Variants in SLK observed in about 807,000 individuals in gnomAD.
SLK encodes the protein STE20 like kinase.
Under a neutral mutation model 147.7 loss-of-function variants are expected in SLK, and 67 were observed. That is an observed-to-expected ratio of 0.45 (90% CI 0.37 to 0.56). The LOEUF is 0.56. Ranked by LOEUF, SLK falls within the 20% of genes least tolerant of loss-of-function variation. The probability of loss-of-function intolerance (pLI) is 0.00; values close to 1 mark genes in which losing one functional copy is unlikely to be tolerated. For missense variants in SLK, 1,136 were observed against 1,438.8 expected (o/e 0.79, Z 3.41); for synonymous variants, 441 against 475.0 (o/e 0.93, Z 0.93).
At chr10:104,008,412 T>A in intron 12 of SLK, 56 bp downstream of exon 12, 1 of 1,268,128 alleles carries the variant, frequency 7.9e-7, no homozygotes, top group Non-Finnish European at 1.1e-6. Context: ...AAAAATTGTT[T>A]TAAGACTATC....
At chr10:103,971,147 A>C (rs1373905089) in intron 1 of SLK, among the ~76,000 whole-genome samples, 2 of 152,182 alleles carry the variant, frequency 1.3e-5, no homozygotes, top group Non-Finnish European at 2.9e-5. Context: ...TGCCTGAAAA[A>C]GCTTCACTAC....
intron 12 of SLK, 105 bp downstream of exon 12, chr10:104,008,461 TAGC>T (rs1300891706): frequency 1.4e-6 from 1 of 713,362 alleles, no homozygotes; most frequent in African/African-American, 1.8e-5. Flanking sequence ...GAGAGTTAAA[TAGC>T]ACCTATTCAT....
At chr10:103,989,483 T>C (rs1844061785) in intron 1 of SLK, among the ~76,000 whole-genome samples, 2 of 147,196 alleles carry the variant, frequency 1.4e-5, no homozygotes, top group Admixed American at 1.4e-4. Context: ...TTTTTTTTTT[T>C]TTGGAGACAG....
rs762714394 is a variant in SLK at position 104,003,089 on chromosome 10, T to G, written c.1911T>G (p.Thr637=). 7 of 1,613,908 alleles carry G rather than the reference T, an allele frequency of 4.3e-6. No individual in the cohort carries two copies. In the South Asian group the frequency reaches 6.6e-5, roughly 15 times the overall value. Residue 637 remains threonine, a synonymous_variant, in exon 9 of 19, where the codon ACT becomes ACG. Coordinates refer to ENST00000369755, the MANE Select transcript of SLK (RefSeq NM_014720.4). ...ACATCAATGAGGAACCAGGAACAAC[T>G]GAAGGTGAAGAAATCACTGAGTCAA... is the stretch of plus-strand genomic sequence containing the variant. ...IMDINEEPGT[T]EGEEITESSS...
intron 1 of SLK, among the ~76,000 whole-genome samples, chr10:103,989,523 C>T (rs1228529488): frequency 7.5e-6 from 1 of 132,458 alleles, no homozygotes; most frequent in African/African-American, 3.0e-5. Context: ...GACTGGAGTG[C>T]AGTGGCGCAA....
intron 18 of SLK, 31 bp from the exon 19 acceptor site, chr10:104,025,543 A>G (rs1332439996): frequency 6.2e-7 from 1 of 1,607,684 alleles, no homozygotes; most frequent in Non-Finnish European, 8.5e-7. Flanking sequence ...ATACCAGCAC[A>G]TAGCAATTTC....
chr10:103,992,141 G>GTTCTTTTTTTTTTTTT (rs1844102570), intron 2 of SLK, among the ~76,000 whole-genome samples: 1 of 91,792 alleles, frequency 1.1e-5, no homozygotes, highest in African/African-American at 4.0e-5. Context: ...TATTTCTTCT[G>GTTCTTTTTTTTTTTTT]TTTTTTTTTT....
At chr10:104,020,645 T>C (rs1328861022) in intron 17 of SLK, 32 bp downstream of exon 17, 1 of 1,599,522 alleles carries the variant, frequency 6.3e-7, no homozygotes, top group Non-Finnish European at 8.5e-7. Flanking sequence ...GCAAAGCCCA[T>C]AGGATGCGGC....
chr10:104,001,584 G>A lies in SLK; in HGVS notation c.993+12G>A. ...CAGAAAATTCTCTGGTCAGTATTTA[G>A]GAAAGAAATTTCATTTAGTGAATAG... is the stretch of plus-strand genomic sequence containing the variant. On this transcript the variant is annotated intron_variant, in intron 8 of 18. Transcript: ENST00000369755. 1 of 1,613,404 alleles carries A rather than the reference G, an allele frequency of 6.2e-7. No individual in the cohort carries two copies. Among genetic ancestry groups the A allele is most frequent in the South Asian group, 1.1e-5 (1 of 90,980 alleles).
chr10:104,000,951 C>T (rs1393416691), intron 7 of SLK, among the ~76,000 whole-genome samples: 4 of 145,724 alleles, frequency 2.7e-5, no homozygotes, highest in Non-Finnish European at 4.5e-5. Context: ...CTTAGCTACT[C>T]GGGAGGCTGA....
intron 2 of SLK, among the ~76,000 whole-genome samples, chr10:103,991,876 G>T (rs1416338499): frequency 1.3e-5 from 2 of 151,946 alleles, no homozygotes; most frequent in African/African-American, 4.8e-5. Flanking sequence ...TAATGCAAAT[G>T]AACCCATAGA....
chr10:104,007,331 C>T (rs563847396), intron 11 of SLK, among the ~76,000 whole-genome samples: 7 of 152,092 alleles, frequency 4.6e-5, no homozygotes, highest in African/African-American at 1.4e-4. Flanking sequence ...TTGGGTCGGG[C>T]GCAGTGCCTT....
intron 12 of SLK, among the ~76,000 whole-genome samples, 171 bp from the exon 13 acceptor site, chr10:104,010,645 T>A (rs1376012445): frequency 3.9e-5 from 6 of 152,246 alleles, no homozygotes; most frequent in African/African-American, 1.4e-4. Flanking sequence ...ACTGAGATTA[T>A]GCATGTTCTC....
chr10:104,025,824 C>G lies in SLK; in HGVS notation c.*104C>G. On this transcript the variant is annotated 3_prime_UTR_variant, in exon 19 of 19. Transcript: ENST00000369755. ...ATAGCTCATGAAGACAATCACCTGC[C>G]TCACCTTCTAGGTGTTTTCCTTTTT... 4.1e-6 allele frequency: 4 copies of G among 980,796 alleles called. No homozygotes were observed. The highest frequency in any genetic ancestry group is 6.0e-6 in the Non-Finnish European group (4 of 666,606). The allele number at this position is 980,796 out of a possible 1,614,324, so 60.8% of individuals were successfully genotyped here. A position where few individuals can be genotyped will look rare whatever the true frequency, so the allele number is the denominator to read the frequency against.
Position 104,003,032 on chromosome 10 carries a change from A to G in SLK, c.1854A>G (p.Glu618=), listed in dbSNP as rs1228089397. The G allele has an allele frequency of 5.6e-6, 9 of 1,613,772 alleles. No individual in the cohort carries two copies. The highest frequency in any genetic ancestry group is 7.6e-6 in the Non-Finnish European group (9 of 1,179,900). Reference sequence around the variant, plus strand: ...AAATAGAAGAAGGTAAAAATAAGGAACAAGCAATAAACAGTTCAGAGAACA... The same window carrying G: ...AAATAGAAGAAGGTAAAAATAAGGAGCAAGCAATAAACAGTTCAGAGAACA... The part of the protein sequence containing the change: ...MNEIEEGKNK[E]QAINSSENIM... The change falls in exon 9 of 19, where the codon GAA becomes GAG. Residue 618 remains glutamate, a synonymous_variant. Coordinates refer to ENST00000369755, the MANE Select transcript of SLK (RefSeq NM_014720.4).
intron 4 of SLK, among the ~76,000 whole-genome samples, chr10:103,994,401 T>G (rs1461908078): frequency 6.6e-6 from 1 of 152,342 alleles, no homozygotes; most frequent in African/African-American, 2.4e-5. Context: ...TCTTTATGGC[T>G]TAGTCACCCA....
Position 103,995,424 on chromosome 10 carries a change from T to C in SLK, c.514+2291T>C, listed in dbSNP as rs12770997. ...TTTCTTTTTTCTTTTCTTTCTTTTC[T>C]TTTTTTTTTTTTTTTTTTTTTGAGT... On this transcript the variant is annotated intron_variant, in intron 4 of 18. Transcript: ENST00000369755. 9.2e-3 allele frequency among the ~76,000 whole-genome samples: 640 copies of C among 69,440 alleles called. 11 individuals are homozygous for C. Among genetic ancestry groups the C allele is most frequent in the South Asian group, 0.067 (165 of 2,446 alleles). The allele number at this position is 69,440 out of a possible 152,430, so 45.6% of individuals were successfully genotyped here. A position where few individuals can be genotyped will look rare whatever the true frequency, so the allele number is the denominator to read the frequency against.
At chr10:104,007,094 G>A (rs1410949395) in intron 11 of SLK, among the ~76,000 whole-genome samples, 1 of 151,852 alleles carries the variant, frequency 6.6e-6, no homozygotes, top group Non-Finnish European at 1.5e-5. Flanking sequence ...ATCTTAATGT[G>A]GAAGATTGAA....
chr10:104,000,046 T>C (rs1437106736), intron 7 of SLK, 98 bp downstream of exon 7: 2 of 546,390 alleles, frequency 3.7e-6, no homozygotes, highest in African/African-American at 3.9e-5. Flanking sequence ...AATTTCCCTG[T>C]GGAGAGTCAA....
Sources: gnomAD v4.1 joint callset for allele counts (sites outside exome capture counted in the v4.1 genomes callset) on GRCh38, gnomAD v4.1.1 for gene constraint, MANE v1.5 for transcripts, NCBI Gene and HGNC (gene_info 2026-07-23, HGNC 2026-07-21) for gene names.